Variants in LYSMD3 observed in about 807,000 individuals in gnomAD.
LYSMD3 encodes LysM domain containing 3, also known as lysM and putative peptidoglycan-binding domain-containing protein 3.
LYSMD3 carries 13 observed loss-of-function variants against 26.1 expected under a neutral mutation model. The observed-to-expected ratio is 0.50, with a 90% CI of 0.32 to 0.79. LYSMD3 has a LOEUF of 0.79. Ranked by LOEUF, LYSMD3 falls within the 30% of genes least tolerant of loss-of-function variation. The pLI is 0.03. For synonymous variants in LYSMD3, 109 were observed against 119.4 expected, an observed-to-expected ratio of 0.91 and a Z score of 0.57; for missense variants, 331 against 362.5, an observed-to-expected ratio of 0.91 and a Z score of 0.71.
intron 2 of LYSMD3, among the ~76,000 whole-genome samples, chr5:90,522,324 G>A (rs998893110): frequency 1.3e-5 from 2 of 152,188 alleles, no homozygotes; most frequent in African/African-American, 2.4e-5. Flanking sequence ...GCAGAACCAT[G>A]AGCCAATTAA....
rs1753027043 is a variant in LYSMD3 at position 90,519,225 on chromosome 5, ACTATTTGTT to A, written c.506_514del (p.Glu169_Ile171del). 1 of 1,613,742 alleles carries A rather than the reference ACTATTTGTT, an allele frequency of 6.2e-7. No individual in the cohort carries two copies. Among genetic ancestry groups the A allele is most frequent in the African/African-American group, 1.3e-5 (1 of 74,882 alleles). ...CTCTCTCTTATTGTCTGTACACTTT[ACTATTTGTT>A]CTATGTCTCGGTCTACTTCTTTTAA... is the stretch of plus-strand genomic sequence containing the variant. On this transcript the variant is annotated inframe_deletion, in exon 3 of 3. Coordinates refer to ENST00000315948, the MANE Select transcript of LYSMD3 (RefSeq NM_198273.2).
Position 90,516,556 on chromosome 5 carries a change from T to C in LYSMD3, c.*2263A>G, listed in dbSNP as rs1440908788. 2 of 152,142 alleles carry C rather than the reference T, an allele frequency of 1.3e-5. No homozygotes were observed. The highest frequency in any genetic ancestry group is 2.9e-5 in the Non-Finnish European group (2 of 67,936). 9.4% of individuals were successfully genotyped at this position (152,142 alleles called of 1,614,324 possible). A position where few individuals can be genotyped will look rare whatever the true frequency, so the allele number is the denominator to read the frequency against. On this transcript the variant is annotated 3_prime_UTR_variant, in exon 3 of 3. Coordinates refer to ENST00000315948, the MANE Select transcript of LYSMD3 (RefSeq NM_198273.2). ...GCATTTGATATAAACTTAACTTACATTAGTACTTTTTAGAAACTAAAATTA... is the reference window on the plus strand; with the variant it reads ...GCATTTGATATAAACTTAACTTACACTAGTACTTTTTAGAAACTAAAATTA...
rs533171651 is a variant in LYSMD3, at chr5:90,526,154, T to C, written c.-11-854A>G. Among the ~76,000 whole-genome samples the C allele has an allele frequency of 2.6e-5, 4 of 152,320 alleles. No individual in the cohort carries two copies. The South Asian group carries it at 6.2e-4, about 24-fold the overall frequency. ...CAACTTCATTCAGGATTGGAGTATC[T>C]TTCGTATTACTTCCTCCTGGACTTT... On this transcript the variant is annotated intron_variant, in intron 1 of 2. Coordinates refer to ENST00000315948, the MANE Select transcript of LYSMD3 (RefSeq NM_198273.2).
At position 90,519,402 on chromosome 5, in the gene LYSMD3, T is replaced by A. The variant is rs911890224; in HGVS notation, c.338A>T (p.Lys113Met). ...ALRSIKIPVK[K>M]FSSLTETLCP... is the part of the protein sequence containing the mutation. ...AAGTGTTTCGGTCAAGGAACTGAACTTTTTTACTGGAATTTTGATAGACCT... is the reference window on the plus strand; with the variant it reads ...AAGTGTTTCGGTCAAGGAACTGAACATTTTTACTGGAATTTTGATAGACCT... The change falls in exon 3 of 3, where the codon AAG becomes ATG. Residue 113 changes from lysine (K) to methionine (M), a missense_variant. Coordinates refer to ENST00000315948, the MANE Select transcript of LYSMD3 (RefSeq NM_198273.2). The A allele has an allele frequency of 9.9e-6, 16 of 1,613,926 alleles. 1 individual carries two copies. Among genetic ancestry groups the A allele is most frequent in the Non-Finnish European group, 1.4e-5 (16 of 1,179,958 alleles).
intron 1 of LYSMD3, among the ~76,000 whole-genome samples, chr5:90,528,119 A>G (rs1220233492): frequency 6.6e-6 from 1 of 152,160 alleles, no homozygotes; most frequent in African/African-American, 2.4e-5. Context: ...ATTTCCACTC[A>G]TTTAACCAGG....
In LYSMD3 at chr5:90,519,202, C is replaced by G; in HGVS notation, c.538G>C (p.Glu180Gln). ...GCCGATACTACCTCATTGAGGTTCTCTCTCTTATTGTCTGTACACTTTACT... is the reference window on the plus strand; with the variant it reads ...GCCGATACTACCTCATTGAGGTTCTGTCTCTTATTGTCTGTACACTTTACT... ...QIVKCTDNKR[E>Q]NLNEVVSALT... Residue 180 changes from glutamate (E) to glutamine (Q), a missense_variant, in exon 3 of 3, where the codon GAG becomes CAG. Transcript: ENST00000315948. 1 of 1,614,008 alleles carries G rather than the reference C, an allele frequency of 6.2e-7. No individual in the cohort carries two copies. Among genetic ancestry groups the G allele is most frequent in the Non-Finnish European group, 8.5e-7 (1 of 1,179,968 alleles).
At chr5:90,525,401 T>C in intron 1 of LYSMD3, 101 bp from the exon 2 acceptor site, 1 of 1,201,680 alleles carries the variant, frequency 8.3e-7, no homozygotes, top group Non-Finnish European at 1.2e-6. Context: ...TGTTTTTGTT[T>C]TAATGGTTTT....
chr5:90,526,129 C>T (rs192365877), intron 1 of LYSMD3, among the ~76,000 whole-genome samples: 1 of 152,282 alleles, frequency 6.6e-6, no homozygotes. Context: ...TTCTGCATTT[C>T]AACTTCATTC....
At chr5:90,521,100 G>A (rs1753079632) in intron 2 of LYSMD3, among the ~76,000 whole-genome samples, 1 of 152,182 alleles carries the variant, frequency 6.6e-6, no homozygotes, top group Admixed American at 6.5e-5. Context: ...TACAATAGTG[G>A]TTAAAAGCAT....
rs772916958 is a variant in LYSMD3 at position 90,519,134 on chromosome 5, G to A, written c.606C>T (p.Asn202=). The change falls in exon 3 of 3, where the codon AAC becomes AAT. Residue 202 remains asparagine, a synonymous_variant. Transcript: ENST00000315948. ...CATAATAGGGGTCTTTACGTTGAGT[G>A]TTTTTGTTATCAGGTTCAAAACGCA... ...QQMRFEPDNK[N]TQRKDPYYGA... The A allele has an allele frequency of 1.9e-6, 3 of 1,614,082 alleles. No homozygotes were observed. The highest frequency in any genetic ancestry group is 1.1e-5 in the South Asian group (1 of 91,078).
chr5:90,519,601 T>A, intron 2 of LYSMD3, 117 bp from the exon 3 acceptor site: 1 of 972,890 alleles, frequency 1.0e-6, no homozygotes, highest in Non-Finnish European at 1.5e-6. Context: ...TTAGTAGTAT[T>A]AAGTTGCACC....
chr5:90,519,176 G>A lies in LYSMD3; in HGVS notation c.564C>T (p.Ala188=). The change falls in exon 3 of 3, where the codon GCC becomes GCT. Residue 188 remains alanine, a synonymous_variant. Transcript: ENST00000315948. The part of the protein sequence containing the change: ...KRENLNEVVS[A]LTAQQMRFEP... ...CAAAACGCATTTGTTGTGCTGTTAA[G>A]GCCGATACTACCTCATTGAGGTTCT... is the stretch of plus-strand genomic sequence containing the variant. 20 of 1,613,896 alleles carry A rather than the reference G, an allele frequency of 1.2e-5. No homozygotes were observed. Among genetic ancestry groups the A allele is most frequent in the Non-Finnish European group, 1.6e-5 (19 of 1,179,944 alleles).
intron 1 of LYSMD3, among the ~76,000 whole-genome samples, chr5:90,527,166 A>G (rs1753243114): frequency 6.6e-6 from 1 of 152,128 alleles, no homozygotes; most frequent in Non-Finnish European, 1.5e-5. Flanking sequence ...GAAAAGACCA[A>G]CTCCAAAACT....
At chr5:90,526,010 TTG>T (rs1315164381) in intron 1 of LYSMD3, among the ~76,000 whole-genome samples, 1 of 152,186 alleles carries the variant, frequency 6.6e-6, no homozygotes, top group African/African-American at 2.4e-5. Flanking sequence ...AGAGAAATAA[TTG>T]TGTTATGTCT....
intron 2 of LYSMD3, among the ~76,000 whole-genome samples, chr5:90,524,477 A>G (rs1022274272): frequency 5.9e-5 from 9 of 152,246 alleles, no homozygotes; most frequent in Non-Finnish European, 1.0e-4. Flanking sequence ...GAATAAGAAG[A>G]TAACATAGTT....
intron 2 of LYSMD3, chr5:90,520,533 T>C: frequency 2.2e-6 from 1 of 456,064 alleles, no homozygotes; most frequent in South Asian, 1.5e-5. Flanking sequence ...GATACAGAAG[T>C]GGAAGATGTT....
At position 90,520,686 on chromosome 5, in the gene LYSMD3, G is replaced by A. The variant is rs548810356; in HGVS notation, c.256-1202C>T. ...TGTAATCCCAGCACTTTGGGAGGCCGAGGCAGGTAGATCACCTGAGGTCAG... is the reference window on the plus strand; with the variant it reads ...TGTAATCCCAGCACTTTGGGAGGCCAAGGCAGGTAGATCACCTGAGGTCAG... On this transcript the variant is annotated intron_variant, in intron 2 of 2. Coordinates refer to ENST00000315948, the MANE Select transcript of LYSMD3 (RefSeq NM_198273.2). 4.6e-5 allele frequency among the ~76,000 whole-genome samples: 7 copies of A among 152,216 alleles called. No individual in the cohort carries two copies. In the South Asian group the frequency reaches 6.2e-4, roughly 14 times the overall value.
chr5:90,524,962 G>A, intron 2 of LYSMD3, 73 bp downstream of exon 2: 1 of 1,261,182 alleles, frequency 7.9e-7, no homozygotes, highest in Non-Finnish European at 1.1e-6. Flanking sequence ...GGTAAAAAAG[G>A]ACACAGAATT....
chr5:90,523,670 C>G lies in LYSMD3; in HGVS notation c.255+1365G>C, dbSNP rs1753147177. On this transcript the variant is annotated intron_variant, in intron 2 of 2. Coordinates refer to ENST00000315948, the MANE Select transcript of LYSMD3 (RefSeq NM_198273.2). The stretch of plus-strand genomic sequence containing the variant: ...GCAAATCCTGGTGGTACTTAGAATT[C>G]TGTGGATGCATTTAAAGAGCACTCT... Among the ~76,000 whole-genome samples the G allele has an allele frequency of 2.0e-5, 3 of 151,946 alleles. No homozygotes were observed. The South Asian group carries it at 6.2e-4, about 32-fold the overall frequency.
Sources: gnomAD v4.1 joint callset for allele counts (sites outside exome capture counted in the v4.1 genomes callset) on GRCh38, gnomAD v4.1.1 for gene constraint, MANE v1.5 for transcripts, NCBI Gene and HGNC (gene_info 2026-07-23, HGNC 2026-07-21) for gene names.